RABGAP1L: variants seen among roughly 807,000 people sequenced by gnomAD.
RABGAP1L encodes RAB GTPase activating protein 1 like, also known as rab GTPase-activating protein 1-like.
In RABGAP1L, 63 loss-of-function variants were observed where a neutral mutation model predicts 137.7. The ratio of observed to expected loss-of-function variants is 0.46; its 90% CI spans 0.37 to 0.56. RABGAP1L has a LOEUF of 0.56. Ranked by LOEUF, RABGAP1L falls within the 20% of genes least tolerant of loss-of-function variation. The pLI is 0.00. For synonymous variants in RABGAP1L, 431 were observed against 433.7 expected (o/e 0.99, Z 0.08); for missense variants, 1,095 against 1,244.0 (o/e 0.88, Z 1.80).
At chr1:174,435,812 G>A (rs12354130) in intron 13 of RABGAP1L, among the ~76,000 whole-genome samples, 3 of 130,508 alleles carry the variant, frequency 2.3e-5, no homozygotes, top group Non-Finnish European at 4.7e-5. Flanking sequence ...CCTCTCCCCC[G>A]ACACCACAAC....
intron 13 of RABGAP1L, among the ~76,000 whole-genome samples, chr1:174,440,885 T>C (rs943207166): frequency 6.6e-6 from 1 of 152,130 alleles, no homozygotes; most frequent in Non-Finnish European, 1.5e-5. Context: ...TTTGATACTA[T>C]ATTGCTTGTA....
At chr1:174,497,035 A>G (rs552353946) in intron 13 of RABGAP1L, among the ~76,000 whole-genome samples, 1 of 152,242 alleles carries the variant, frequency 6.6e-6, no homozygotes, top group Non-Finnish European at 1.5e-5. Context: ...ACACATGTGC[A>G]CACACTACTG....
In RABGAP1L at chr1:174,231,264, G is replaced by A; in HGVS notation, c.451G>A (p.Ala151Thr). 1 of 1,614,054 alleles carries A rather than the reference G, an allele frequency of 6.2e-7. No homozygotes were observed. The highest frequency in any genetic ancestry group is 1.3e-5 in the African/African-American group (1 of 75,020). The change falls in exon 4 of 26, where the codon GCT becomes ACT. Residue 151 changes from alanine to threonine, a missense_variant. Physicochemically the swap from Ala to Thr is moderately conservative, Grantham distance 58. Coordinates refer to ENST00000681986, the MANE Select transcript of RABGAP1L (RefSeq NM_001366446.1). ...TTCTTCCCCACGTAATGAAGTAGAG[G>A]CTTTACGGGCAATGGCAACCATGAA... is the stretch of plus-strand genomic sequence containing the variant. Reference protein sequence around the residue: ...KVSSPRNEVEALRAMATMKSS... With the variant: ...KVSSPRNEVETLRAMATMKSS...
At position 174,371,077 on chromosome 1, in the gene RABGAP1L, A is replaced by C. The variant is rs1195247716; in HGVS notation, c.1559+5A>C. The C allele has an allele frequency of 1.4e-6, 2 of 1,449,752 alleles. No homozygotes were observed. The highest frequency in any genetic ancestry group is 1.5e-5 in the South Asian group (1 of 65,340). The allele number at this position is 1,449,752 out of a possible 1,614,324, so 89.8% of individuals were successfully genotyped here. A position where few individuals can be genotyped will look rare whatever the true frequency, so the allele number is the denominator to read the frequency against. On this transcript the variant is annotated splice_donor_5th_base_variant and intron_variant, in intron 12 of 25. Coordinates refer to ENST00000681986, the MANE Select transcript of RABGAP1L (RefSeq NM_001366446.1). The stretch of plus-strand genomic sequence containing the variant: ...GGGAGAGTTGCTAGGAAAATGGTAA[A>C]ATTTTATTTTTCATACTGAAAATTC...
intron 13 of RABGAP1L, among the ~76,000 whole-genome samples, chr1:174,550,895 TAC>T (rs1395408033): frequency 0.032 from 1,600 of 50,718 alleles, 98 homozygotes; most frequent in East Asian, 0.091. Flanking sequence ...TATATATATA[TAC>T]ACACACACAT....
intron 19 of RABGAP1L, among the ~76,000 whole-genome samples, chr1:174,842,452 C>T (rs1693520610): frequency 6.6e-6 from 1 of 152,172 alleles, no homozygotes; most frequent in Admixed American, 6.5e-5. Context: ...ATCATATATT[C>T]TCCCCAGGAG....
chr1:174,498,463 T>G (rs1660943208), intron 13 of RABGAP1L, among the ~76,000 whole-genome samples: 1 of 152,128 alleles, frequency 6.6e-6, no homozygotes, highest in Non-Finnish European at 1.5e-5. Flanking sequence ...TACATATATT[T>G]AAACTGAAAC....
chr1:174,526,137 T>C (rs1663852533), intron 13 of RABGAP1L, among the ~76,000 whole-genome samples: 1 of 152,218 alleles, frequency 6.6e-6, no homozygotes, highest in Non-Finnish European at 1.5e-5. Flanking sequence ...TTTGTTTTTC[T>C]ATTGTCGACT....
At chr1:174,909,820 T>C (rs1659761586) in intron 19 of RABGAP1L, among the ~76,000 whole-genome samples, 1 of 151,928 alleles carries the variant, frequency 6.6e-6, no homozygotes, top group Non-Finnish European at 1.5e-5. Context: ...CCATAAGAAA[T>C]AGAAAACTTC....
intron 13 of RABGAP1L, among the ~76,000 whole-genome samples, chr1:174,562,784 C>T (rs1007382352): frequency 4.6e-5 from 7 of 152,064 alleles, no homozygotes; most frequent in African/African-American, 7.3e-5. Context: ...TGTTCTCACT[C>T]GTAAGTGGGA....
chr1:174,596,262 T>C (rs1267056740), intron 13 of RABGAP1L, among the ~76,000 whole-genome samples: 1 of 149,852 alleles, frequency 6.7e-6, no homozygotes, highest in Non-Finnish European at 1.5e-5. Context: ...TGGCACTCCC[T>C]AGTGAGATGA....
At chr1:174,550,788 G>A (rs1572284042) in intron 13 of RABGAP1L, among the ~76,000 whole-genome samples, 1 of 145,792 alleles carries the variant, frequency 6.9e-6, no homozygotes. Flanking sequence ...GGGAGGCCAA[G>A]GCAGGTGGAT....
At chr1:174,543,537 A>G (rs2147945827) in intron 13 of RABGAP1L, among the ~76,000 whole-genome samples, 1 of 152,008 alleles carries the variant, frequency 6.6e-6, no homozygotes, top group East Asian at 1.9e-4. Context: ...ATGGTTCTTG[A>G]CTCTTTATCC....
chr1:174,676,565 T>G (rs1032237796), intron 14 of RABGAP1L, among the ~76,000 whole-genome samples: 9 of 152,180 alleles, frequency 5.9e-5, no homozygotes. Flanking sequence ...GTGAAAAGAT[T>G]CCTGATTTTA....
chr1:174,481,346 TGTTGAGTGCTTCTCATGCTACCTCA>T (rs1659069283), intron 13 of RABGAP1L, among the ~76,000 whole-genome samples: 2 of 152,244 alleles, frequency 1.3e-5, no homozygotes, highest in South Asian at 4.1e-4. Context: ...TGCTGCTTTC[TGTTGAGTGCTTCTCATGCTACCTCA>T]GTGGTACTTG....
chr1:174,473,895 A>G (rs1404749006), intron 13 of RABGAP1L, among the ~76,000 whole-genome samples: 1 of 152,218 alleles, frequency 6.6e-6, no homozygotes, highest in Non-Finnish European at 1.5e-5. Flanking sequence ...ATGAATGATC[A>G]GGAAATTAAT....
At chr1:174,182,878 TTTC>T (rs1666489312) in intron 1 of RABGAP1L, among the ~76,000 whole-genome samples, 1 of 152,256 alleles carries the variant, frequency 6.6e-6, no homozygotes, top group African/African-American at 2.4e-5. Flanking sequence ...CTATTTAAAG[TTTC>T]TTAAGACATT....
chr1:174,605,590 CTGT>C (rs992803189), intron 13 of RABGAP1L, among the ~76,000 whole-genome samples: 1 of 152,042 alleles, frequency 6.6e-6, no homozygotes, highest in African/African-American at 2.4e-5. Flanking sequence ...ATTGAAATCT[CTGT>C]TGTTGTCTGA....
chr1:174,308,208 A>G (rs1468629616), intron 11 of RABGAP1L, among the ~76,000 whole-genome samples: 1 of 152,142 alleles, frequency 6.6e-6, no homozygotes, highest in East Asian at 1.9e-4. Flanking sequence ...GTGTATTTAC[A>G]TATGTATGTG....
Sources: allele counts gnomAD v4.1 joint callset (sites outside exome capture counted in the v4.1 genomes callset), GRCh38; gene constraint gnomAD v4.1.1; transcripts MANE v1.5; gene names NCBI Gene and HGNC (gene_info 2026-07-23, HGNC 2026-07-21).